The following DLGAP1 variants were observed in gnomAD, a reference collection of about 807,000 sequenced individuals.
DLGAP1 encodes DLG associated protein 1.
Under a neutral mutation model 90.8 loss-of-function variants are expected in DLGAP1, and 11 were observed. The ratio of observed to expected loss-of-function variants is 0.12; its 90% CI spans 0.08 to 0.20. DLGAP1 has a LOEUF of 0.20. DLGAP1 is among the 10% of genes least tolerant of loss of function. DLGAP1 has a pLI of 1.00. For synonymous variants in DLGAP1, 558 were observed against 540.7 expected (o/e 1.03, Z -0.44); for missense variants, 1,050 against 1,333.8 (o/e 0.79, Z 3.31).
At chr18:3,917,446 CTCAG>C (rs1247287829) in intron 3 of DLGAP1, among the ~76,000 whole-genome samples, 2 of 152,174 alleles carry the variant, frequency 1.3e-5, no homozygotes, top group Non-Finnish European at 2.9e-5. Flanking sequence ...ATATCCATTT[CTCAG>C]TCAGTTTGTT....
intron 1 of DLGAP1, among the ~76,000 whole-genome samples, chr18:4,435,987 C>T (rs1158437390): frequency 6.6e-6 from 1 of 152,086 alleles, no homozygotes; most frequent in South Asian, 2.1e-4. Context: ...GGACAATAGA[C>T]TGCAGGAAAA....
chr18:3,801,798 C>T (rs1447089514), intron 5 of DLGAP1, among the ~76,000 whole-genome samples: 1 of 151,950 alleles, frequency 6.6e-6, no homozygotes, highest in Non-Finnish European at 1.5e-5. Context: ...GCAGCAAAAA[C>T]CACCCAGAAA....
intron 2 of DLGAP1, among the ~76,000 whole-genome samples, chr18:4,103,994 A>G (rs1057412836): frequency 4.6e-5 from 7 of 152,142 alleles, no homozygotes; most frequent in African/African-American, 1.7e-4. Flanking sequence ...AGTGAGACTG[A>G]CTTCCAGTTT....
At chr18:4,059,105 G>A (rs12457289) in intron 2 of DLGAP1, among the ~76,000 whole-genome samples, 47,598 of 151,948 alleles carry the variant, frequency 0.31, 8,533 homozygotes, top group East Asian at 0.51. Flanking sequence ...AAAACCCCAA[G>A]GATGAATAGG....
intron 3 of DLGAP1, among the ~76,000 whole-genome samples, chr18:3,993,475 C>G (rs569109807): frequency 3.0e-4 from 45 of 151,868 alleles, no homozygotes; most frequent in African/African-American, 1.0e-3. Context: ...TTGAGATTTC[C>G]TTGTCTTTCC....
intron 2 of DLGAP1, among the ~76,000 whole-genome samples, chr18:4,148,325 C>G (rs184346086): frequency 1.3e-5 from 2 of 152,118 alleles, no homozygotes; most frequent in Admixed American, 1.3e-4. Context: ...AATAGTAAGT[C>G]TAACAACTTA....
intron 2 of DLGAP1, among the ~76,000 whole-genome samples, chr18:4,054,650 A>G (rs1410986021): frequency 6.6e-6 from 1 of 152,230 alleles, no homozygotes; most frequent in Non-Finnish European, 1.5e-5. Flanking sequence ...CTCAGAAATT[A>G]TACTGAAGGT....
intron 1 of DLGAP1, among the ~76,000 whole-genome samples, chr18:4,389,103 C>A (rs955503340): frequency 1.3e-5 from 2 of 152,060 alleles, no homozygotes; most frequent in African/African-American, 4.8e-5. Flanking sequence ...AAAGTGGAAG[C>A]AACACAACTG....
intron 7 of DLGAP1, among the ~76,000 whole-genome samples, chr18:3,614,540 A>G (rs2145938735): frequency 6.6e-6 from 1 of 152,230 alleles, no homozygotes; most frequent in East Asian, 1.9e-4. Context: ...CTATTCTTTC[A>G]TTATAGCGTA....
intron 6 of DLGAP1, among the ~76,000 whole-genome samples, chr18:3,740,382 C>G (rs62083249): frequency 2.6e-5 from 4 of 151,950 alleles, no homozygotes; most frequent in South Asian, 2.1e-4. Context: ...AAGCAGTAAC[C>G]AGCACGAATA....
chr18:4,116,347 G>T (rs566900752), intron 2 of DLGAP1, among the ~76,000 whole-genome samples: 2 of 152,104 alleles, frequency 1.3e-5, no homozygotes, highest in East Asian at 3.9e-4. Flanking sequence ...TCTCCTACTT[G>T]GAGTTTATTG....
intron 1 of DLGAP1, among the ~76,000 whole-genome samples, chr18:4,316,809 T>C (rs1263712436): frequency 6.6e-6 from 1 of 152,340 alleles, no homozygotes. Flanking sequence ...TTACTGACTG[T>C]ATGCCACAAT....
intron 1 of DLGAP1, among the ~76,000 whole-genome samples, chr18:4,370,125 A>T (rs2144203372): frequency 1.3e-5 from 2 of 152,298 alleles, no homozygotes; most frequent in Middle Eastern, 3.4e-3. Context: ...GGTGAATTTG[A>T]AAAACTACTT....
At chr18:3,984,978 T>A (rs1460351917) in intron 3 of DLGAP1, among the ~76,000 whole-genome samples, 1 of 152,206 alleles carries the variant, frequency 6.6e-6, no homozygotes, top group Non-Finnish European at 1.5e-5. Context: ...TGAGGAGCTA[T>A]GTCTTATTTC....
At chr18:3,603,024 G>A (rs2057148784) in intron 7 of DLGAP1, 1 of 152,174 alleles carries the variant, frequency 6.6e-6, no homozygotes, top group South Asian at 2.1e-4. Context: ...ACAGAGCTAA[G>A]GTGTAGGAAT....
chr18:4,133,982 A>C (rs2076359027), intron 2 of DLGAP1, among the ~76,000 whole-genome samples: 1 of 145,058 alleles, frequency 6.9e-6, no homozygotes, highest in African/African-American at 2.8e-5. Flanking sequence ...TGACATTGAG[A>C]TAATAGTGGT....
At chr18:4,126,172 G>C (rs2076230565) in intron 2 of DLGAP1, among the ~76,000 whole-genome samples, 1 of 152,190 alleles carries the variant, frequency 6.6e-6, no homozygotes, top group Admixed American at 6.5e-5. Flanking sequence ...CTCATGGGTA[G>C]GGGTAGGGGG....
Position 4,056,073 on chromosome 18 carries a change from G to A in DLGAP1, c.-158-50872C>T, listed in dbSNP as rs2075211423. On this transcript the variant is annotated intron_variant, in intron 2 of 12. Coordinates refer to ENST00000315677, the MANE Select transcript of DLGAP1 (RefSeq NM_004746.4). ...TTTAAAGATAGATACATATTCATGTGGTATATAAATTCAGGGCTGTCATGA... is the reference window on the plus strand; with the variant it reads ...TTTAAAGATAGATACATATTCATGTAGTATATAAATTCAGGGCTGTCATGA... Among the ~76,000 whole-genome samples the A allele has an allele frequency of 2.0e-5, 3 of 152,114 alleles. No homozygotes were observed. In the South Asian group the frequency reaches 6.2e-4, roughly 32 times the overall value.
At chr18:4,271,260 C>T (rs914053353) in intron 1 of DLGAP1, among the ~76,000 whole-genome samples, 15 of 152,138 alleles carry the variant, frequency 9.9e-5, no homozygotes, top group Admixed American at 9.2e-4. Flanking sequence ...TTGAAGCTCC[C>T]TCCCGAAGTA....
Sources: gnomAD v4.1 joint callset for allele counts (sites outside exome capture counted in the v4.1 genomes callset) on GRCh38, gnomAD v4.1.1 for gene constraint, MANE v1.5 for transcripts, NCBI Gene and HGNC (gene_info 2026-07-23, HGNC 2026-07-21) for gene names.